The following RBM15 variants were observed in gnomAD, a reference collection of about 807,000 sequenced individuals.
RBM15 encodes RNA-binding protein 15.
A neutral mutation model predicts 62.6 loss-of-function variants in RBM15; 8 were observed. The ratio of observed to expected loss-of-function variants is 0.13; its 90% CI spans 0.07 to 0.23. RBM15 has a LOEUF of 0.23. Ranked by LOEUF, RBM15 falls within the 10% of genes least tolerant of loss-of-function variation. The pLI is 1.00. For synonymous variants in RBM15, 606 were observed against 505.7 expected, an observed-to-expected ratio of 1.20 and a Z score of -2.66; for missense variants, 1,144 against 1,286.5, an observed-to-expected ratio of 0.89 and a Z score of 1.69.
chr1:110,342,370 AGTT>A, intron 1 of RBM15, 102 bp downstream of exon 1: 2 of 838,982 alleles, frequency 2.4e-6, no homozygotes, highest in Non-Finnish European at 3.5e-6. Context: ...TTTTCTTTTT[AGTT>A]GTTAGTTGTA....
Position 110,341,940 on chromosome 1 carries a change from A to T in RBM15, c.2535A>T (p.Val845=), listed in dbSNP as rs952022673. The change falls in exon 1 of 3, where the codon GTA becomes GTT. Residue 845 remains valine (V), a synonymous_variant. Coordinates refer to ENST00000369784, the MANE Select transcript of RBM15 (RefSeq NM_022768.5). The surrounding 1 kb of genome is among the most constrained non-coding windows in gnomAD (Gnocchi z 4.5). ...LRLDQPKLDE[V]TRRIKVAGPN... ...TGGACCAGCCCAAGTTGGATGAAGT[A>T]ACTCGACGCATCAAAGTAGCAGGGC... is the stretch of plus-strand genomic sequence containing the variant. 20 of 1,614,110 alleles carry T rather than the reference A, an allele frequency of 1.2e-5. No individual in the cohort carries two copies. Among genetic ancestry groups the T allele is most frequent in the Non-Finnish European group, 1.6e-5 (19 of 1,180,048 alleles).
intron 1 of RBM15, among the ~76,000 whole-genome samples, chr1:110,344,610 A>G (rs150391472): frequency 7.0e-4 from 106 of 152,310 alleles, no homozygotes; most frequent in Non-Finnish European, 1.3e-3. Flanking sequence ...GTCATTACCT[A>G]CAGAGTGCCA....
chr1:110,342,446 T>C, intron 1 of RBM15, 178 bp downstream of exon 1: 1 of 494,242 alleles, frequency 2.0e-6, no homozygotes, highest in Non-Finnish European at 3.4e-6. Flanking sequence ...GTTTAGCTAT[T>C]TTTTTGTTTG....
Position 110,340,047 on chromosome 1 carries a change from T to C in RBM15, c.642T>C (p.Asp214=). The change falls in exon 1 of 3, where the codon GAT becomes GAC. Residue 214 remains aspartate, a synonymous_variant. Transcript: ENST00000369784. This position sits in a 1 kb window ranked among gnomAD's most constrained non-coding sequence, Gnocchi z 5.8. ...ATCTGTCGGGTTCTGGCAGCGGGGA[T>C]GAGCGGGTAGCCTTTGTGAACTTCC... is the stretch of plus-strand genomic sequence containing the variant. ...ISHLSGSGSG[D]ERVAFVNFRR... is the part of the protein sequence containing the mutation. 6.2e-7 allele frequency: 1 copy of C among 1,614,034 alleles called. No individual in the cohort carries two copies. The highest frequency in any genetic ancestry group is 1.1e-5 in the South Asian group (1 of 91,088).
chr1:110,339,999 T>C lies in RBM15; in HGVS notation c.594T>C (p.Gly198=). The C allele has an allele frequency of 6.2e-7, 1 of 1,614,042 alleles. No homozygotes were observed. Among genetic ancestry groups the C allele is most frequent in the Non-Finnish European group, 8.5e-7 (1 of 1,179,992 alleles). Residue 198 remains glycine (G), a synonymous_variant, in exon 1 of 3, where the codon GGT becomes GGC. Coordinates refer to ENST00000369784, the MANE Select transcript of RBM15 (RefSeq NM_022768.5). ...DGLFHEFKRF[G]DVSVKISHLS... ...TGTTTCATGAGTTCAAACGCTTCGG[T>C]GATGTAAGTGTGAAAATCAGTCATC... is the stretch of plus-strand genomic sequence containing the variant.
intron 1 of RBM15, 113 bp downstream of exon 1, chr1:110,342,381 G>A (rs745914012): frequency 4.0e-6 from 3 of 749,764 alleles, no homozygotes; most frequent in Non-Finnish European, 6.0e-6. Context: ...GTTGTTAGTT[G>A]TAGCATTTTC....
rs1174972935 is a variant in RBM15 at position 110,340,356 on chromosome 1, T to C, written c.951T>C (p.Pro317=). ...AGTTGGCTCTTGGCCGCCTGCCCCC[T>C]CCACCTCCGCCACCATTGCCTCGAG... ...LQQLALGRLP[P]PPPPPLPRDL... The change falls in exon 1 of 3, where the codon CCT becomes CCC. Residue 317 remains proline (P), a synonymous_variant. Transcript: ENST00000369784. The surrounding 1 kb of genome is among the most constrained non-coding windows in gnomAD (Gnocchi z 5.8). The C allele has an allele frequency of 1.9e-6, 3 of 1,614,114 alleles. No individual in the cohort carries two copies. Among genetic ancestry groups the C allele is most frequent in the Middle Eastern group, 1.6e-4 (1 of 6,062 alleles).
At position 110,339,511 on chromosome 1, in the gene RBM15, G is replaced by GGAGACGACCTCCGAC. The variant is rs1557890330; in HGVS notation, c.109_123dup (p.Asp37_Arg41dup). 5 of 1,598,314 alleles carry GGAGACGACCTCCGAC rather than the reference G, an allele frequency of 3.1e-6. No individual in the cohort carries two copies. The highest frequency in any genetic ancestry group is 4.3e-6 in the Non-Finnish European group (5 of 1,169,630). ...GGGGCGGCGGGTTACTCAGCTCCGC[G>GGAGACGACCTCCGAC]GAGACGACCTCCGACGACCCGCAAC... On this transcript the variant is annotated inframe_insertion, in exon 1 of 3. Coordinates refer to ENST00000369784, the MANE Select transcript of RBM15 (RefSeq NM_022768.5).
rs777767678 is a variant in RBM15 at position 110,346,290 on chromosome 1, T to C, written c.*41-18T>C. On this transcript the variant is annotated intron_variant, in intron 2 of 2. Transcript: ENST00000369784. ...AAACATTTGTACTGAATAACCTTTTTTTCCCCCCCTCCGCAAGCAAAACTG... is the reference window on the plus strand; with the variant it reads ...AAACATTTGTACTGAATAACCTTTTCTTCCCCCCCTCCGCAAGCAAAACTG... 77 of 1,597,842 alleles carry C rather than the reference T, an allele frequency of 4.8e-5. No homozygotes were observed. Among genetic ancestry groups the C allele is most frequent in the South Asian group, 2.2e-4 (20 of 91,076 alleles).
Position 110,345,498 on chromosome 1 carries a change from G to C in RBM15, c.2864-41G>C, listed in dbSNP as rs374859536. 2.8e-6 allele frequency: 4 copies of C among 1,426,468 alleles called. No homozygotes were observed. In the African/African-American group the frequency reaches 4.2e-5, roughly 15 times the overall value. The allele number at this position is 1,426,468 out of a possible 1,614,324, so 88.4% of individuals were successfully genotyped here. On this transcript the variant is annotated intron_variant, in intron 1 of 2. Transcript: ENST00000369784. ...GACCTTTTATGTGAAAAAAATTTTG[G>C]AGAGAATTTCTGGACATTTTTTTTT...
chr1:110,342,127 G>C lies in RBM15; in HGVS notation c.2722G>C (p.Val908Leu), dbSNP rs1199990566. 4 of 1,614,106 alleles carry C rather than the reference G, an allele frequency of 2.5e-6. No individual in the cohort carries two copies. Among genetic ancestry groups the C allele is most frequent in the Non-Finnish European group, 1.7e-6 (2 of 1,179,966 alleles). Reference sequence around the variant, plus strand: ...GGCAGCCGGGGTGATCAGCCTCCCTGTGGGGGGCAACAAAGACAAGGAAAA... The same window carrying C: ...GGCAGCCGGGGTGATCAGCCTCCCTCTGGGGGGCAACAAAGACAAGGAAAA... ...KQAAGVISLP[V>L]GGNKDKENTG... The change falls in exon 1 of 3, where the codon GTG (valine) becomes CTG (leucine). Residue 908 changes from valine (V) to leucine (L), a missense_variant. Val to Leu is a conservative substitution (Grantham distance 32, BLOSUM62 1). Around this residue, in one of 8 missense-constraint regions of RBM15, gnomAD observed 144 missense variants for 223.3 expected, o/e 0.64. Coordinates refer to ENST00000369784, the MANE Select transcript of RBM15 (RefSeq NM_022768.5).
Position 110,340,759 on chromosome 1 carries a change from A to C in RBM15, c.1354A>C (p.Thr452Pro). 6.2e-7 allele frequency: 1 copy of C among 1,614,084 alleles called. No individual in the cohort carries two copies. The highest frequency in any genetic ancestry group is 1.1e-5 in the South Asian group (1 of 91,080). The change falls in exon 1 of 3, where the codon ACA becomes CCA. Residue 452 changes from threonine (T) to proline (P), a missense_variant. By Grantham distance (38) the Thr-to-Pro change is conservative. Coordinates refer to ENST00000369784, the MANE Select transcript of RBM15 (RefSeq NM_022768.5). This position sits in a 1 kb window ranked among gnomAD's most constrained non-coding sequence, Gnocchi z 5.8. ...NPIKIGYGKA[T>P]PTTRLWVGGL... ...TATCAAAATTGGTTATGGTAAAGCTACACCCACCACCCGCCTCTGGGTGGG... is the reference window on the plus strand; with the variant it reads ...TATCAAAATTGGTTATGGTAAAGCTCCACCCACCACCCGCCTCTGGGTGGG...
In RBM15 at chr1:110,342,216, C is replaced by T. The variant is rs1660813963; in HGVS notation, c.2811C>T (p.Ala937=). 6.2e-7 allele frequency: 1 copy of T among 1,611,638 alleles called. No individual in the cohort carries two copies. Among genetic ancestry groups the T allele is most frequent in the African/African-American group, 1.3e-5 (1 of 74,856 alleles). The change falls in exon 1 of 3, where the codon GCC becomes GCT. Residue 937 remains alanine, a synonymous_variant. Coordinates refer to ENST00000369784, the MANE Select transcript of RBM15 (RefSeq NM_022768.5). ...EFSQQFLDSP[A]KALAKSEEDY... is the part of the protein sequence containing the mutation. ...CCCAGCAGTTCCTGGATTCCCCTGC[C>T]AAGGCACTGGCCAAATCTGAAGAAG...
Position 110,341,257 on chromosome 1 carries a change from C to T in RBM15, c.1852C>T (p.Arg618Trp). Residue 618 changes from arginine (R) to tryptophan (W), a missense_variant, in exon 1 of 3, where the codon CGG (arginine) becomes TGG (tryptophan). Physicochemically the swap from Arg to Trp is moderately radical, Grantham distance 101. Transcript: ENST00000369784. This position sits in a 1 kb window ranked among gnomAD's most constrained non-coding sequence, Gnocchi z 4.5. ...GCCACTGGATAGCCTAGATCGCAGG[C>T]GGGATGGTTGGTCCTTGGACCGGGA... ...YEPLDSLDRR[R>W]DGWSLDRDRG... 1.2e-6 allele frequency: 2 copies of T among 1,614,098 alleles called. No individual in the cohort carries two copies. The highest frequency in any genetic ancestry group is 1.7e-6 in the Non-Finnish European group (2 of 1,180,026).
At position 110,339,473 on chromosome 1, in the gene RBM15, G is replaced by C; in HGVS notation, c.68G>C (p.Cys23Ser). The C allele has an allele frequency of 6.4e-7, 1 of 1,568,456 alleles. No homozygotes were observed. Among genetic ancestry groups the C allele is most frequent in the East Asian group, 2.3e-5 (1 of 44,316 alleles). The change falls in exon 1 of 3, where the codon TGT becomes TCT. Residue 23 changes from cysteine to serine, a missense_variant. Coordinates refer to ENST00000369784, the MANE Select transcript of RBM15 (RefSeq NM_022768.5). ...SPRWRRAVPL[C>S]ETSAGRRVTQ... ...AGATGGCGGCGTGCGGTTCCGCTGT[G>C]TGAAACGAGCGCGGGGCGGCGGGTT... is the stretch of plus-strand genomic sequence containing the variant.
Position 110,341,102 on chromosome 1 carries a change from A to T in RBM15, c.1697A>T (p.Asp566Val). The T allele has an allele frequency of 1.2e-6, 2 of 1,614,168 alleles. No individual in the cohort carries two copies. The highest frequency in any genetic ancestry group is 1.7e-6 in the Non-Finnish European group (2 of 1,180,032). Reference protein sequence around the residue: ...RAPDPLRGARDRTPPLLYRDR... With the variant: ...RAPDPLRGARVRTPPLLYRDR... ...CCAGACCCTTTGAGGGGTGCTCGGG[A>T]TAGGACACCACCCTTACTATACAGA... is the stretch of plus-strand genomic sequence containing the variant. Residue 566 changes from aspartate (D) to valine (V), a missense_variant, in exon 1 of 3, where the codon GAT (aspartate) becomes GTT (valine). This residue lies in a region of RBM15 where 360 missense variants were observed against 342.9 expected (regional missense o/e 1.05). Coordinates refer to ENST00000369784, the MANE Select transcript of RBM15 (RefSeq NM_022768.5). This position sits in a 1 kb window ranked among gnomAD's most constrained non-coding sequence, Gnocchi z 4.5.
At position 110,342,005 on chromosome 1, in the gene RBM15, C is replaced by G; in HGVS notation, c.2600C>G (p.Ser867Cys). The G allele has an allele frequency of 1.2e-6, 2 of 1,614,250 alleles. No individual in the cohort carries two copies. The highest frequency in any genetic ancestry group is 1.7e-5 in the Admixed American group (1 of 60,032). ...ATTCTTTTGGCTGTGCCTGGAAGTT[C>G]TGACAGCCGGTCCTCCTCTTCCTCA... ...YAILLAVPGS[S>C]DSRSSSSSAA... Residue 867 changes from serine to cysteine, a missense_variant, in exon 1 of 3, where the codon TCT (serine) becomes TGT (cysteine). This residue lies in a region of RBM15 where 144 missense variants were observed against 223.3 expected (regional missense o/e 0.64). Transcript: ENST00000369784.
rs1270137598 is a variant in RBM15 at position 110,346,468 on chromosome 1, G to T, written c.*201G>T. 3 of 977,112 alleles carry T rather than the reference G, an allele frequency of 3.1e-6. No individual in the cohort carries two copies. Among genetic ancestry groups the T allele is most frequent in the Non-Finnish European group, 3.2e-6 (2 of 629,426 alleles). 60.5% of individuals were successfully genotyped at this position (977,112 alleles called of 1,614,324 possible). ...TTTACTAAAATGGCAGCTTAAAGTTGTGTATCTGCTATTGTGATGCCAATG... is the reference window on the plus strand; with the variant it reads ...TTTACTAAAATGGCAGCTTAAAGTTTTGTATCTGCTATTGTGATGCCAATG... On this transcript the variant is annotated 3_prime_UTR_variant, in exon 3 of 3. Coordinates refer to ENST00000369784, the MANE Select transcript of RBM15 (RefSeq NM_022768.5).
rs148173521 is a variant in RBM15 at position 110,339,481 on chromosome 1, A to G, written c.76A>G (p.Ser26Gly). 0.011 allele frequency: 16,989 copies of G among 1,572,314 alleles called. 184 individuals are homozygous for G. Among genetic ancestry groups the G allele is most frequent in the South Asian group, 0.02 (1,701 of 85,890 alleles). ...GCGTGCGGTTCCGCTGTGTGAAACG[A>G]GCGCGGGGCGGCGGGTTACTCAGCT... ...WRRAVPLCET[S>G]AGRRVTQLRG... The change falls in exon 1 of 3, where the codon AGC becomes GGC. Residue 26 changes from serine to glycine, a missense_variant. Ser to Gly is a moderately conservative substitution (Grantham distance 56). Transcript: ENST00000369784.
Sources: gnomAD v4.1 joint callset for allele counts (sites outside exome capture counted in the v4.1 genomes callset) on GRCh38, gnomAD v4.1.1 for gene constraint, gnomAD v4.1.1 regional missense constraint, Gnocchi (gnomAD v3.1) non-coding constraint, MANE v1.5 for transcripts, NCBI Gene and HGNC (gene_info 2026-07-23, HGNC 2026-07-21) for gene names.